GTF2B: variants seen among roughly 807,000 people sequenced by gnomAD.
GTF2B encodes transcription initiation factor IIB.
In GTF2B, 20 loss-of-function variants were observed where a neutral mutation model predicts 34.6. The ratio of observed to expected loss-of-function variants is 0.58; its 90% CI spans 0.41 to 0.84. The LOEUF (loss-of-function observed/expected upper bound fraction) is 0.84. Among genes scored for constraint, GTF2B ranks in the 40% least tolerant of loss-of-function variants. GTF2B has a pLI of 0.00. For missense variants in GTF2B, 237 were observed against 393.3 expected, an observed-to-expected ratio of 0.60 and a Z score of 3.36; for synonymous variants, 142 against 132.4, an observed-to-expected ratio of 1.07 and a Z score of -0.50.
At chr1:88,872,008 C>G (rs1400087808) in intron 2 of GTF2B, among the ~76,000 whole-genome samples, 2 of 152,120 alleles carry the variant, frequency 1.3e-5, no homozygotes, top group African/African-American at 4.8e-5. Flanking sequence ...GCTGGGAATA[C>G]AGGCATGAGC....
At chr1:88,864,908 T>C (rs1043485971) in intron 2 of GTF2B, among the ~76,000 whole-genome samples, 1 of 152,236 alleles carries the variant, frequency 6.6e-6, no homozygotes, top group Non-Finnish European at 1.5e-5. Flanking sequence ...ATTGCCACTT[T>C]ACAAATAAGA....
At chr1:88,860,380 A>G (rs1673406957) in intron 3 of GTF2B, 94 bp from the exon 4 acceptor site, 2 of 839,392 alleles carry the variant, frequency 2.4e-6, no homozygotes, top group Admixed American at 4.6e-5. Flanking sequence ...ATCTGATTCT[A>G]CATAGACCAG....
chr1:88,872,605 G>A (rs901518370), intron 2 of GTF2B, among the ~76,000 whole-genome samples: 21 of 152,142 alleles, frequency 1.4e-4, no homozygotes, highest in Middle Eastern at 3.4e-3. Flanking sequence ...TCTTCTGCTA[G>A]GAATGTAAAG....
chr1:88,867,797 TA>T (rs201330381), intron 2 of GTF2B, among the ~76,000 whole-genome samples: 1,642 of 152,230 alleles, frequency 0.011, 28 homozygotes, highest in African/African-American at 0.037. Context: ...ATGGATTTTT[TA>T]TTTTTTTTAA....
At chr1:88,862,504 T>C (rs565798158) in intron 3 of GTF2B, among the ~76,000 whole-genome samples, 3 of 152,260 alleles carry the variant, frequency 2.0e-5, no homozygotes, top group Non-Finnish European at 4.4e-5. Flanking sequence ...ATCAAGCTAC[T>C]GCTGCACTCC....
intron 5 of GTF2B, among the ~76,000 whole-genome samples, chr1:88,857,931 C>T (rs1378054361): frequency 6.6e-6 from 1 of 151,902 alleles, no homozygotes. Flanking sequence ...ATCCTCCTAC[C>T]TCGGCCTCCC....
intron 2 of GTF2B, among the ~76,000 whole-genome samples, chr1:88,876,701 A>G (rs1452211435): frequency 1.3e-5 from 2 of 152,152 alleles, no homozygotes; most frequent in Non-Finnish European, 2.9e-5. Context: ...TCTCCACAAT[A>G]TGTATCAGTG....
intron 2 of GTF2B, among the ~76,000 whole-genome samples, chr1:88,880,618 CCT>C (rs1276702690): frequency 1.3e-5 from 2 of 152,032 alleles, no homozygotes; most frequent in Non-Finnish European, 2.9e-5. Flanking sequence ...CTGTATGCAC[CCT>C]GACAACTCAC....
chr1:88,865,078 G>GAAAC lies in GTF2B; in HGVS notation c.125-968_125-965dup, dbSNP rs142603737. On this transcript the variant is annotated intron_variant, in intron 2 of 6. Transcript: ENST00000370500. ...TTTGTGTATACACAGCAAACAGAAA[G>GAAAC]AAACAAACGGCAGAAACCAGTTACT... Among the ~76,000 whole-genome samples the GAAAC allele has an allele frequency of 4.6e-3, 698 of 152,278 alleles. 2 individuals are homozygous for GAAAC. The highest frequency in any genetic ancestry group is 0.015 in the African/African-American group (616 of 41,574).
chr1:88,862,786 C>G (rs1373766126), intron 3 of GTF2B, among the ~76,000 whole-genome samples: 1 of 151,976 alleles, frequency 6.6e-6, no homozygotes, highest in African/African-American at 2.4e-5. Flanking sequence ...TACAGGTGCC[C>G]ACCATCATAT....
chr1:88,860,119 AG>A lies in GTF2B; in HGVS notation c.405+20del. ...CAAAGTCAATGCCAGAATGGCTTAA[AG>A]GAGGTAGACAAGAACTTACAACTAT... On this transcript the variant is annotated intron_variant, in intron 4 of 6. Transcript: ENST00000370500. 1 of 1,613,812 alleles carries A rather than the reference AG, an allele frequency of 6.2e-7. No individual in the cohort carries two copies.
At chr1:88,862,306 G>GCCGA (rs1240567414) in intron 3 of GTF2B, among the ~76,000 whole-genome samples, 2 of 152,108 alleles carry the variant, frequency 1.3e-5, no homozygotes, top group Non-Finnish European at 2.9e-5. Flanking sequence ...ACCTTGGGAG[G>GCCGA]CCGAGGTGGG....
intron 2 of GTF2B, among the ~76,000 whole-genome samples, chr1:88,865,628 G>T (rs1160801056): frequency 1.3e-5 from 2 of 152,186 alleles, no homozygotes; most frequent in Non-Finnish European, 2.9e-5. Context: ...GGTCCAGGCG[G>T]GCTGTCACCT....
At chr1:88,890,044 G>A (rs779110919) in intron 1 of GTF2B, among the ~76,000 whole-genome samples, 18 of 151,314 alleles carry the variant, frequency 1.2e-4, no homozygotes, top group Non-Finnish European at 2.5e-4. Context: ...AAAAAATACT[G>A]CATTTAACTT....
chr1:88,855,759 AT>A (rs1343746402), intron 6 of GTF2B, among the ~76,000 whole-genome samples: 3 of 152,012 alleles, frequency 2.0e-5, no homozygotes, highest in Non-Finnish European at 2.9e-5. Context: ...GGTTCAAGTG[AT>A]TCTCCTACTT....
At chr1:88,869,640 T>C (rs1055618408) in intron 2 of GTF2B, among the ~76,000 whole-genome samples, 9 of 152,002 alleles carry the variant, frequency 5.9e-5, no homozygotes, top group African/African-American at 9.7e-5. Flanking sequence ...TCTTTTTTTT[T>C]CCCCCGAGAC....
At chr1:88,883,684 T>C (rs1391133459) in intron 2 of GTF2B, among the ~76,000 whole-genome samples, 1 of 152,024 alleles carries the variant, frequency 6.6e-6, no homozygotes, top group Non-Finnish European at 1.5e-5. Flanking sequence ...ACAGAACTGA[T>C]ATTGATAGTT....
intron 2 of GTF2B, among the ~76,000 whole-genome samples, chr1:88,883,507 G>A (rs1203273731): frequency 1.3e-5 from 2 of 151,934 alleles, no homozygotes; most frequent in African/African-American, 4.8e-5. Flanking sequence ...TTGAGGCCAG[G>A]GTTCAAGACT....
chr1:88,859,447 C>A (rs577201802), intron 5 of GTF2B, among the ~76,000 whole-genome samples: 8 of 152,308 alleles, frequency 5.3e-5, no homozygotes, highest in African/African-American at 1.9e-4. Flanking sequence ...GCAAATGATG[C>A]TCAAGTGGAT....
Sources: allele counts gnomAD v4.1 joint callset (sites outside exome capture counted in the v4.1 genomes callset), GRCh38; gene constraint gnomAD v4.1.1; transcripts MANE v1.5; gene names NCBI Gene and HGNC (gene_info 2026-07-23, HGNC 2026-07-21).